Variants in STAG1 observed in about 807,000 individuals in gnomAD.
The protein encoded by STAG1 is cohesin subunit SA-1.
A neutral mutation model predicts 170.9 loss-of-function variants in STAG1; 26 were observed. That is an observed-to-expected ratio of 0.15 (90% CI 0.11 to 0.21). The LOEUF (loss-of-function observed/expected upper bound fraction) is 0.21. Among genes scored for constraint, STAG1 ranks in the 10% least tolerant of loss-of-function variants. The probability of loss-of-function intolerance (pLI) is 1.00; values close to 1 mark genes in which losing one functional copy is unlikely to be tolerated. For synonymous variants in STAG1, 514 were observed against 497.7 expected, an observed-to-expected ratio of 1.03 and a Z score of -0.44; for missense variants, 964 against 1,509.5, an observed-to-expected ratio of 0.64 and a Z score of 5.99.
In STAG1 at chr3:136,739,084, A is replaced by C. The variant is rs139678544; in HGVS notation, c.-84+13111T>G. On this transcript the variant is annotated intron_variant, in intron 1 of 33. Transcript: ENST00000383202. The stretch of plus-strand genomic sequence containing the variant: ...CCCTAAAATAAACTTCAAAATGCAA[A>C]GTATTTCAACATGCAGAAATGAGGC... Among the ~76,000 whole-genome samples, 195 of 152,360 alleles carry C rather than the reference A, an allele frequency of 1.3e-3. 1 individual carries two copies. The highest frequency in any genetic ancestry group is 4.3e-3 in the African/African-American group (180 of 41,584).
intron 14 of STAG1, among the ~76,000 whole-genome samples, chr3:136,447,488 A>G (rs1484026107): frequency 6.6e-6 from 1 of 152,052 alleles, no homozygotes; most frequent in African/African-American, 2.4e-5. Context: ...AACAATAAAA[A>G]AAGAAGAAGG....
chr3:136,340,059 A>G (rs1935902045), intron 32 of STAG1, among the ~76,000 whole-genome samples: 1 of 152,208 alleles, frequency 6.6e-6, no homozygotes, highest in Non-Finnish European at 1.5e-5. Flanking sequence ...AGGCTTGAAG[A>G]ACACCCAAGC....
Position 136,464,970 on chromosome 3 carries a change from A to G in STAG1, c.1224T>C (p.Leu408=), listed in dbSNP as rs2089410942. Residue 408 remains leucine, a synonymous_variant, in exon 13 of 34, where the codon CTT becomes CTC. Coordinates refer to ENST00000383202, the MANE Select transcript of STAG1 (RefSeq NM_005862.3). ...TLILHGSEEA[L]SNEDCENVYH... ...AAACATTTTCACAGTCTTCATTGGAAAGAGCTTCTTCACTTCCACTGAAAA... is the reference window on the plus strand; with the variant it reads ...AAACATTTTCACAGTCTTCATTGGAGAGAGCTTCTTCACTTCCACTGAAAA... 6.2e-7 allele frequency: 1 copy of G among 1,608,952 alleles called. No homozygotes were observed. The highest frequency in any genetic ancestry group is 1.7e-5 in the Admixed American group (1 of 59,178).
intron 7 of STAG1, among the ~76,000 whole-genome samples, chr3:136,506,312 G>T (rs757016384): frequency 6.6e-6 from 1 of 151,996 alleles, no homozygotes; most frequent in Admixed American, 6.6e-5. Context: ...TAGGTAGAGA[G>T]AAATTGTTAG....
intron 12 of STAG1, among the ~76,000 whole-genome samples, chr3:136,470,994 G>T (rs1032531938): frequency 1.6e-5 from 2 of 127,516 alleles, no homozygotes; most frequent in African/African-American, 2.8e-5. Context: ...GGGGTGGGGG[G>T]AGGGATAGCA....
intron 21 of STAG1, among the ~76,000 whole-genome samples, chr3:136,401,139 T>C (rs1185350815): frequency 6.6e-6 from 1 of 152,220 alleles, no homozygotes; most frequent in Admixed American, 6.5e-5. Flanking sequence ...CATCTTGATC[T>C]TATTGTAAAA....
intron 4 of STAG1, among the ~76,000 whole-genome samples, chr3:136,603,488 C>G (rs894165812): frequency 1.5e-4 from 23 of 152,064 alleles, no homozygotes; most frequent in Non-Finnish European, 2.9e-4. Context: ...AATATACACA[C>G]TAAAGAAAAA....
intron 4 of STAG1, among the ~76,000 whole-genome samples, chr3:136,573,875 G>A (rs575505748): frequency 5.9e-5 from 9 of 152,248 alleles, no homozygotes; most frequent in Admixed American, 3.9e-4. Context: ...GGAGGCTGAG[G>A]CAGGAGAATG....
chr3:136,574,078 A>G (rs1171034010), intron 4 of STAG1, among the ~76,000 whole-genome samples: 1 of 151,888 alleles, frequency 6.6e-6, no homozygotes, highest in East Asian at 1.9e-4. Flanking sequence ...CCATTCTACT[A>G]AAAATACCAA....
Position 136,424,709 on chromosome 3 carries a change from A to C in STAG1, c.1651-1665T>G, listed in dbSNP as rs189027373. Reference sequence around the variant, plus strand: ...AAAATACCTCTGAGGGGATAACAAAAATGGCATGATACCTATGAAGAAGGA... The same window carrying C: ...AAAATACCTCTGAGGGGATAACAAACATGGCATGATACCTATGAAGAAGGA... On this transcript the variant is annotated intron_variant, in intron 16 of 33. Coordinates refer to ENST00000383202, the MANE Select transcript of STAG1 (RefSeq NM_005862.3). 1.8e-3 allele frequency among the ~76,000 whole-genome samples: 279 copies of C among 152,284 alleles called. 1 individual carries two copies. Among genetic ancestry groups the C allele is most frequent in the African/African-American group, 5.7e-3 (237 of 41,568 alleles).
chr3:136,686,044 G>A (rs1296904324), intron 1 of STAG1, among the ~76,000 whole-genome samples: 1 of 152,162 alleles, frequency 6.6e-6, no homozygotes, highest in Non-Finnish European at 1.5e-5. Flanking sequence ...GACAGCAGTA[G>A]GTAAAACTAG....
intron 16 of STAG1, among the ~76,000 whole-genome samples, chr3:136,430,909 C>CT (rs35271419): frequency 0.077 from 10,841 of 140,456 alleles, 571 homozygotes; most frequent in Middle Eastern, 0.13. Flanking sequence ...TACATTCTTC[C>CT]TTTTTTTTTT....
intron 14 of STAG1, among the ~76,000 whole-genome samples, chr3:136,446,165 C>T (rs1165745594): frequency 6.6e-6 from 1 of 152,122 alleles, no homozygotes; most frequent in East Asian, 1.9e-4. Flanking sequence ...CACTATACTC[C>T]TACATTTAAA....
At chr3:136,723,304 C>T (rs550774278) in intron 1 of STAG1, among the ~76,000 whole-genome samples, 7 of 150,054 alleles carry the variant, frequency 4.7e-5, no homozygotes, top group African/African-American at 1.7e-4. Flanking sequence ...TCTGCCCGGC[C>T]GCCCATCGTC....
At chr3:136,379,105 C>T (rs1937789773) in intron 22 of STAG1, among the ~76,000 whole-genome samples, 1 of 152,174 alleles carries the variant, frequency 6.6e-6, no homozygotes, top group South Asian at 2.1e-4. Flanking sequence ...GTAAAAAGGA[C>T]ACCCTCTTGA....
chr3:136,713,329 T>C (rs1309489305), intron 1 of STAG1, among the ~76,000 whole-genome samples: 1 of 152,040 alleles, frequency 6.6e-6, no homozygotes. Flanking sequence ...ACTCCTGTAA[T>C]CCCAGCACTT....
intron 9 of STAG1, among the ~76,000 whole-genome samples, chr3:136,484,299 C>T (rs1333957859): frequency 1.3e-5 from 2 of 151,396 alleles, no homozygotes; most frequent in Non-Finnish European, 3.0e-5. Context: ...TTCTAACAGA[C>T]AGGACCCTCA....
At chr3:136,484,133 C>G (rs1287435236) in intron 9 of STAG1, among the ~76,000 whole-genome samples, 3 of 145,476 alleles carry the variant, frequency 2.1e-5, no homozygotes, top group African/African-American at 7.7e-5. Flanking sequence ...GAACTGCGTT[C>G]TTTTGGAGGA....
At chr3:136,715,447 C>G (rs542121497) in intron 1 of STAG1, among the ~76,000 whole-genome samples, 1 of 151,574 alleles carries the variant, frequency 6.6e-6, no homozygotes, top group Non-Finnish European at 1.5e-5. Flanking sequence ...AGTGAAACCA[C>G]GTCTCTACTA....
Sources: gnomAD v4.1 joint callset for allele counts (sites outside exome capture counted in the v4.1 genomes callset) on GRCh38, gnomAD v4.1.1 for gene constraint, MANE v1.5 for transcripts, NCBI Gene and HGNC (gene_info 2026-07-23, HGNC 2026-07-21) for gene names.